The following GPR78 variants were observed in gnomAD, a reference collection of about 807,000 sequenced individuals.
GPR78 encodes the protein G protein-coupled receptor 78.
Under a neutral mutation model 17.9 loss-of-function variants are expected in GPR78, and 29 were observed. The observed-to-expected ratio is 1.62, with a 90% CI of 1.20 to 2.21. GPR78 has a LOEUF of 2.21. Among genes scored for constraint, GPR78 ranks in the 30% most tolerant of loss-of-function variants. The probability of loss-of-function intolerance (pLI) is 0.00; values close to 1 mark genes in which losing one functional copy is unlikely to be tolerated. For missense variants in GPR78, 649 were observed against 530.5 expected (o/e 1.22, Z -2.19); for synonymous variants, 349 against 256.9 (o/e 1.36, Z -3.43).
Position 8,587,526 on chromosome 4 carries a change from T to G in GPR78, c.*163T>G. 1 of 728,456 alleles carries G rather than the reference T, an allele frequency of 1.4e-6. No individual in the cohort carries two copies. Among genetic ancestry groups the G allele is most frequent in the Non-Finnish European group, 2.2e-6 (1 of 447,702 alleles). The allele number at this position is 728,456 out of a possible 1,614,324, so 45.1% of individuals were successfully genotyped here. ...AGGAGGAGAGGGCCGGATGTGGGTG[T>G]GGACAGCAGTAGTGGCGGAGGAGAG... On this transcript the variant is annotated 3_prime_UTR_variant, in exon 3 of 3. Transcript: ENST00000382487.
At chr4:8,586,931 TG>T in intron 2 of GPR78, 122 bp from the exon 3 acceptor site, 1 of 824,554 alleles carries the variant, frequency 1.2e-6, no homozygotes, top group Non-Finnish European at 1.9e-6. Context: ...CAGAGCCCCC[TG>T]GCTAGTGAGC....
Position 8,581,045 on chromosome 4 carries a change from A to G in GPR78, c.63A>G (p.Leu21=). The G allele has an allele frequency of 6.2e-7, 1 of 1,605,078 alleles. No homozygotes were observed. Among genetic ancestry groups the G allele is most frequent in the African/African-American group, 1.3e-5 (1 of 74,986 alleles). The change falls in exon 1 of 3, where the codon CTA becomes CTG. Residue 21 remains leucine, a synonymous_variant. Transcript: ENST00000382487. ...LLVMVLAVAL[L]SNALVLLCCA... ...TGATGGTACTGGCCGTGGCGCTGCT[A>G]TCCAACGCACTGGTGCTGCTTTGTT...
intron 2 of GPR78, among the ~76,000 whole-genome samples, chr4:8,584,085 ATACACACATGCATGTGTG>A (rs1468611297): frequency 1.3e-5 from 2 of 152,212 alleles, no homozygotes; most frequent in Non-Finnish European, 2.9e-5. Context: ...GTTCATGTGT[ATACACACATGCATGTGTG>A]TATTCATACA....
At chr4:8,586,151 G>C (rs760845664) in intron 2 of GPR78, among the ~76,000 whole-genome samples, 3 of 152,062 alleles carry the variant, frequency 2.0e-5, no homozygotes, top group Non-Finnish European at 4.4e-5. Context: ...CTGTGCTGCC[G>C]CTGGTCAGAA....
At chr4:8,586,934 C>A in intron 2 of GPR78, 120 bp from the exon 3 acceptor site, 1 of 845,318 alleles carries the variant, frequency 1.2e-6, no homozygotes, top group Non-Finnish European at 1.9e-6. Context: ...AGCCCCCTGG[C>A]TAGTGAGCAT....
Position 8,589,264 on chromosome 4 carries a change from C to T in GPR78, c.*1901C>T, listed in dbSNP as rs1713647474. Among the ~76,000 whole-genome samples, 2 of 151,970 alleles carry T rather than the reference C, an allele frequency of 1.3e-5. No individual in the cohort carries two copies. The highest frequency in any genetic ancestry group is 2.9e-5 in the Non-Finnish European group (2 of 67,996). Reference sequence around the variant, plus strand: ...CCCATGAAGTGTAATTCAAATAAAACAAATTATCGTTTGGAATAATAACAA... The same window carrying T: ...CCCATGAAGTGTAATTCAAATAAAATAAATTATCGTTTGGAATAATAACAA... On this transcript the variant is annotated 3_prime_UTR_variant, in exon 3 of 3. Transcript: ENST00000382487.
chr4:8,583,130 G>C (rs1234437048), intron 2 of GPR78: 1 of 160,494 alleles, frequency 6.2e-6, no homozygotes, highest in African/African-American at 2.4e-5. Context: ...TGGAGTCACA[G>C]GTAATTTGGG....
chr4:8,582,490 C>A, intron 1 of GPR78, 41 bp from the exon 2 acceptor site: 2 of 1,392,692 alleles, frequency 1.4e-6, no homozygotes, highest in Non-Finnish European at 2.0e-6. Context: ...GTTCTGTCCC[C>A]ACCCTGCCAT....
Position 8,589,465 on chromosome 4 carries a change from G to T in GPR78, c.*2102G>T, listed in dbSNP as rs376625908. The stretch of plus-strand genomic sequence containing the variant: ...ACAGAGGGCACGTGAACTCGAGACC[G>T]TGCTGCACCCCGGTGCCCCTGTGCT... On this transcript the variant is annotated 3_prime_UTR_variant, in exon 3 of 3. Coordinates refer to ENST00000382487, the MANE Select transcript of GPR78 (RefSeq NM_080819.5). 6.6e-6 allele frequency among the ~76,000 whole-genome samples: 1 copy of T among 152,062 alleles called. No homozygotes were observed. The highest frequency in any genetic ancestry group is 1.5e-5 in the Non-Finnish European group (1 of 68,008).
At chr4:8,581,723 C>A (rs1234453642) in intron 1 of GPR78, 73 bp downstream of exon 1, 3 of 1,166,508 alleles carry the variant, frequency 2.6e-6, no homozygotes, top group East Asian at 2.8e-5. Context: ...GCTTGAGGAG[C>A]CTGTGGGCAT....
At chr4:8,581,946 C>T (rs1469283726) in intron 1 of GPR78, among the ~76,000 whole-genome samples, 2 of 152,100 alleles carry the variant, frequency 1.3e-5, no homozygotes, top group Non-Finnish European at 2.9e-5. Context: ...CCAGACACAC[C>T]CCTCCTGTGC....
At position 8,587,680 on chromosome 4, in the gene GPR78, G is replaced by T. The variant is rs972652654; in HGVS notation, c.*317G>T. On this transcript the variant is annotated 3_prime_UTR_variant, in exon 3 of 3. Coordinates refer to ENST00000382487, the MANE Select transcript of GPR78 (RefSeq NM_080819.5). ...GAGACAGTGGGTAGGGAAGTGCCCTGTGTGGCATATGGTACTCGTGGGCGT... is the reference window on the plus strand; with the variant it reads ...GAGACAGTGGGTAGGGAAGTGCCCTTTGTGGCATATGGTACTCGTGGGCGT... 39 of 459,722 alleles carry T rather than the reference G, an allele frequency of 8.5e-5. No homozygotes were observed. Among genetic ancestry groups the T allele is most frequent in the Non-Finnish European group, 1.3e-4 (32 of 252,094 alleles). 28.5% of individuals were successfully genotyped at this position (459,722 alleles called of 1,614,324 possible).
rs116438375 is a variant in GPR78, at chr4:8,582,779, G to A, written c.782+135G>A. 4.8e-3 allele frequency: 3,150 copies of A among 652,992 alleles called. 67 individuals carry two copies. Among genetic ancestry groups the A allele is most frequent in the African/African-American group, 0.048 (2,715 of 56,434 alleles). The allele number at this position is 652,992 out of a possible 1,614,324, so 40.4% of individuals were successfully genotyped here. On this transcript the variant is annotated intron_variant, in intron 2 of 2. Coordinates refer to ENST00000382487, the MANE Select transcript of GPR78 (RefSeq NM_080819.5). ...CAGAGGACCCTCCTCCACACCTGAC[G>A]GGCTCAGGGCTGTGCTTCAGCTCCT...
In GPR78 at chr4:8,586,926, C is replaced by G. The variant is rs568089183; in HGVS notation, c.783-128C>G. ...CAAGGCTCAGGGTGCTGGTGCAGAG[C>G]CCCCTGGCTAGTGAGCATCAGGGCT... On this transcript the variant is annotated intron_variant, in intron 2 of 2. Transcript: ENST00000382487. The G allele has an allele frequency of 1.7e-5, 13 of 777,642 alleles. No homozygotes were observed. In the South Asian group the frequency reaches 2.0e-4, roughly 12 times the overall value. 48.2% of individuals were successfully genotyped at this position (777,642 alleles called of 1,614,324 possible).
chr4:8,585,682 G>C (rs1056340952), intron 2 of GPR78, among the ~76,000 whole-genome samples: 6 of 152,284 alleles, frequency 3.9e-5, no homozygotes, highest in Non-Finnish European at 8.8e-5. Flanking sequence ...TCCCTGCCCT[G>C]ATTTTTGGAT....
rs1713236191 is a variant in GPR78 at position 8,580,738 on chromosome 4, G to C, written c.-245G>C. 5.4e-6 allele frequency: 3 copies of C among 551,260 alleles called. No individual in the cohort carries two copies. The highest frequency in any genetic ancestry group is 4.7e-4 in the Middle Eastern group (1 of 2,148). 34.1% of individuals were successfully genotyped at this position (551,260 alleles called of 1,614,324 possible). On this transcript the variant is annotated 5_prime_UTR_variant, in exon 1 of 3. Transcript: ENST00000382487. ...ATTCAGCACCCTGGACAGCACCGCGGTTGCGCTGCCTCCAGGGCGGCCCCG... is the reference window on the plus strand; with the variant it reads ...ATTCAGCACCCTGGACAGCACCGCGCTTGCGCTGCCTCCAGGGCGGCCCCG...
At position 8,582,633 on chromosome 4, in the gene GPR78, T is replaced by G; in HGVS notation, c.771T>G (p.Tyr257Ter). 1 of 1,610,328 alleles carries G rather than the reference T, an allele frequency of 6.2e-7. No homozygotes were observed. Residue 257 changes from tyrosine (Y) to a stop codon, truncating the protein, a stop_gained, in exon 2 of 3, where the codon TAT (tyrosine) becomes TAG (stop). Transcript: ENST00000382487. LOFTEE classifies it low-confidence loss of function (END_TRUNC). ...IATFLICFAP[Y>*]VMTRLAELVP... Reference sequence around the variant, plus strand: ...CCTTCCTCATCTGCTTTGCCCCGTATGTCATGACCAGGTGGGTCCTGGCAG... The same window carrying G: ...CCTTCCTCATCTGCTTTGCCCCGTAGGTCATGACCAGGTGGGTCCTGGCAG...
rs779837930 is a variant in GPR78, at chr4:8,580,967, G to C, written c.-16G>C. ...AGCCATGAGAACCCCAGGGTGCCTG[G>C]CGAGCCGCTAGCGCCATGGGCCCCG... On this transcript the variant is annotated 5_prime_UTR_variant, in exon 1 of 3. Transcript: ENST00000382487. The C allele has an allele frequency of 6.5e-7, 1 of 1,539,952 alleles. No individual in the cohort carries two copies. The highest frequency in any genetic ancestry group is 1.9e-5 in the Admixed American group (1 of 51,766).
rs555385641 is a variant in GPR78 at position 8,588,525 on chromosome 4, T to A, written c.*1162T>A. Among the ~76,000 whole-genome samples the A allele has an allele frequency of 6.6e-6, 1 of 152,226 alleles. No individual in the cohort carries two copies. Among genetic ancestry groups the A allele is most frequent in the Admixed American group, 6.5e-5 (1 of 15,286 alleles). On this transcript the variant is annotated 3_prime_UTR_variant, in exon 3 of 3. Transcript: ENST00000382487. ...GTGAATGAGTGAGCGAGTGAATGAA[T>A]GGACACGATTCTCTCTTCAGCCTCT...
Sources: gnomAD v4.1 joint callset for allele counts (sites outside exome capture counted in the v4.1 genomes callset) on GRCh38, gnomAD v4.1.1 for gene constraint, MANE v1.5 for transcripts, NCBI Gene and HGNC (gene_info 2026-07-23, HGNC 2026-07-21) for gene names.